PIK3C2G: variants seen among roughly 807,000 people sequenced by gnomAD.
PIK3C2G encodes phosphatidylinositol 3-kinase C2 domain-containing subunit gamma.
PIK3C2G carries 168 observed loss-of-function variants against 181.1 expected under a neutral mutation model. The observed-to-expected ratio is 0.93, with a 90% CI of 0.82 to 1.05. PIK3C2G has a LOEUF of 1.05. Ranked by LOEUF, PIK3C2G falls within the 50% of genes least tolerant of loss-of-function variation. The pLI, the probability that PIK3C2G is intolerant of heterozygous loss-of-function variation, is 0.00. For synonymous variants in PIK3C2G, 573 were observed against 592.2 expected, an observed-to-expected ratio of 0.97 and a Z score of 0.47; for missense variants, 1,869 against 1,732.8, an observed-to-expected ratio of 1.08 and a Z score of -1.40.
intron 26 of PIK3C2G, among the ~76,000 whole-genome samples, chr12:18,557,196 G>T (rs1008158342): frequency 2.0e-5 from 3 of 151,910 alleles, no homozygotes; most frequent in Non-Finnish European, 4.4e-5. Context: ...ATTAATGGTG[G>T]GGAAAAGATA....
chr12:18,272,386 A>G (rs1295171870), intron 1 of PIK3C2G, among the ~76,000 whole-genome samples: 1 of 152,160 alleles, frequency 6.6e-6, no homozygotes, highest in African/African-American at 2.4e-5. Flanking sequence ...TGAATTCTTT[A>G]TCAGGAAGCA....
At chr12:18,316,217 T>C (rs563339066) in intron 6 of PIK3C2G, among the ~76,000 whole-genome samples, 1 of 152,126 alleles carries the variant, frequency 6.6e-6, no homozygotes, top group Non-Finnish European at 1.5e-5. Flanking sequence ...AGAGCAAAAC[T>C]ATGTGGCTAC....
intron 7 of PIK3C2G, among the ~76,000 whole-genome samples, chr12:18,323,424 T>C (rs1023795861): frequency 1.3e-5 from 2 of 152,188 alleles, no homozygotes; most frequent in African/African-American, 4.8e-5. Context: ...TTTAATCCCA[T>C]AGCCATGACT....
rs1012444965 is a variant in PIK3C2G at position 18,282,667 on chromosome 12, G to A, written c.586G>A (p.Gly196Arg). 17 of 1,613,218 alleles carry A rather than the reference G, an allele frequency of 1.1e-5. No individual in the cohort carries two copies. The highest frequency in any genetic ancestry group is 1.4e-5 in the Non-Finnish European group (16 of 1,179,402). The change falls in exon 2 of 33, where the codon GGA (glycine) becomes AGA (arginine). Residue 196 changes from glycine to arginine, a missense_variant. Transcript: ENST00000538779. The part of the protein sequence containing the change: ...FMPKEENKRS[G>R]HVNIVEPSLM... ...GCCGAAAGAAGAGAATAAAAGGAGT[G>A]GACATGTGAACATTGTGGAACCATC...
upstream of PIK3C2G, among the ~76,000 whole-genome samples, chr12:18,259,749 C>CG (rs1555137450): frequency 6.6e-6 from 1 of 151,602 alleles, no homozygotes; most frequent in Non-Finnish European, 1.5e-5. Context: ...TAAACTTGCA[C>CG]GTAAACATTG....
chr12:18,581,536 A>G (rs1946499800), intron 29 of PIK3C2G, among the ~76,000 whole-genome samples: 1 of 152,208 alleles, frequency 6.6e-6, no homozygotes, highest in Non-Finnish European at 1.5e-5. Context: ...AGTCAGGATG[A>G]TTGCCAACCA....
chr12:18,650,327 C>CTA (rs1193529296), downstream of PIK3C2G, among the ~76,000 whole-genome samples: 1,950 of 79,068 alleles, frequency 0.025, 18 homozygotes, highest in Non-Finnish European at 0.032. Context: ...CTCTCTCTCT[C>CTA]TCTCTATATA....
At chr12:18,252,228 C>T (rs2136955521) in intron 1 of PIK3C2G, among the ~76,000 whole-genome samples, 1 of 152,230 alleles carries the variant, frequency 6.6e-6, no homozygotes, top group Non-Finnish European at 1.5e-5. Flanking sequence ...AAATCCTTGA[C>T]ACAATTTTGC....
intron 1 of PIK3C2G, among the ~76,000 whole-genome samples, chr12:18,266,012 CTAAAA>C (rs1565533016): frequency 1.7e-4 from 5 of 28,846 alleles, no homozygotes; most frequent in African/African-American, 5.1e-4. Flanking sequence ...GAGACTTCAT[CTAAAA>C]AAAAAAAAAA....
chr12:18,455,229 T>G (rs920540445), intron 18 of PIK3C2G, among the ~76,000 whole-genome samples: 3 of 152,012 alleles, frequency 2.0e-5, no homozygotes, highest in Non-Finnish European at 4.4e-5. Flanking sequence ...AAGAAATCGC[T>G]AGGTCCAGCC....
chr12:18,406,523 G>A (rs560141203), intron 16 of PIK3C2G, among the ~76,000 whole-genome samples: 7 of 152,182 alleles, frequency 4.6e-5, no homozygotes, highest in Non-Finnish European at 8.8e-5. Context: ...CAAAAAGATA[G>A]CTAAAGTTGG....
At chr12:18,359,106 A>T (rs1270270546) in intron 11 of PIK3C2G, 1 of 152,364 alleles carries the variant, frequency 6.6e-6, no homozygotes, top group Non-Finnish European at 1.5e-5. Context: ...CAGCCACTGC[A>T]CCTGGGCAAG....
chr12:18,694,767 A>G, the PIK3C2G span: 1 of 636,102 alleles, frequency 1.6e-6, no homozygotes, highest in East Asian at 2.9e-5. Context: ...AGGATGCTGG[A>G]ATACTACCCA....
rs189154282 is a variant in PIK3C2G, at chr12:18,475,267, C to T, written c.2505-13182C>T. Among the ~76,000 whole-genome samples the T allele has an allele frequency of 5.3e-5, 8 of 151,252 alleles. No individual in the cohort carries two copies. In the East Asian group the frequency reaches 1.4e-3, roughly 26 times the overall value. ...TTTTTTGCACCAACATTGTTAGTAGCAGCCAATCTAAACTTCTTACAACAG... is the reference window on the plus strand; with the variant it reads ...TTTTTTGCACCAACATTGTTAGTAGTAGCCAATCTAAACTTCTTACAACAG... On this transcript the variant is annotated intron_variant, in intron 18 of 32. Coordinates refer to ENST00000538779, the MANE Select transcript of PIK3C2G (RefSeq NM_001288772.2).
chr12:18,424,575 C>T (rs1373953058), intron 18 of PIK3C2G: 1 of 162,558 alleles, frequency 6.2e-6, no homozygotes, highest in Non-Finnish European at 1.4e-5. Flanking sequence ...ATAGCAACAC[C>T]TGAGGATATT....
chr12:18,367,938 T>C (rs1484392543), intron 12 of PIK3C2G, among the ~76,000 whole-genome samples: 1 of 152,150 alleles, frequency 6.6e-6, no homozygotes, highest in Non-Finnish European at 1.5e-5. Flanking sequence ...CTTAAAATCA[T>C]GGCAGAAGGG....
At chr12:18,374,692 C>G (rs1373897142) in intron 13 of PIK3C2G, among the ~76,000 whole-genome samples, 1 of 152,176 alleles carries the variant, frequency 6.6e-6, no homozygotes, top group African/African-American at 2.4e-5. Context: ...CTGTAAATCT[C>G]ATATTGAATT....
intron 30 of PIK3C2G, among the ~76,000 whole-genome samples, chr12:18,600,792 T>C (rs1947667686): frequency 6.6e-6 from 1 of 151,974 alleles, no homozygotes; most frequent in Non-Finnish European, 1.5e-5. Flanking sequence ...ATAAATACAA[T>C]ATAATGCTTC....
chr12:18,529,515 C>T (rs555507487), intron 24 of PIK3C2G, among the ~76,000 whole-genome samples: 20 of 152,194 alleles, frequency 1.3e-4, no homozygotes, highest in East Asian at 1.9e-4. Context: ...ATTATCTAGA[C>T]GCATAATTCA....
Sources: gnomAD v4.1 joint callset for allele counts (sites outside exome capture counted in the v4.1 genomes callset) on GRCh38, gnomAD v4.1.1 for gene constraint, MANE v1.5 for transcripts, NCBI Gene and HGNC (gene_info 2026-07-23, HGNC 2026-07-21) for gene names.